Variants in NUP153 observed in about 807,000 individuals in gnomAD.
NUP153 encodes the protein nucleoporin 153.
Under a neutral mutation model 134.6 loss-of-function variants are expected in NUP153, and 27 were observed. The ratio of observed to expected loss-of-function variants is 0.20; its 90% CI spans 0.15 to 0.28. The LOEUF is 0.28. NUP153 is among the 10% of genes least tolerant of loss of function. The pLI is 1.00. For synonymous variants in NUP153, 640 were observed against 623.5 expected (o/e 1.03, Z -0.40); for missense variants, 1,821 against 1,731.3 (o/e 1.05, Z -0.92).
At chr6:17,627,735 T>A (rs1351494559) in intron 18 of NUP153, among the ~76,000 whole-genome samples, 1 of 152,230 alleles carries the variant, frequency 6.6e-6, no homozygotes, top group Non-Finnish European at 1.5e-5. Flanking sequence ...AAGGGCACTG[T>A]TGTTTTTAGC....
rs1768182327 is a variant in NUP153 at position 17,675,660 on chromosome 6, G to C, written c.445C>G (p.Gln149Glu). Reference protein sequence around the residue: ...SMLESPALHCQPSTSSAFPIG... With the variant: ...SMLESPALHCEPSTSSAFPIG... The stretch of plus-strand genomic sequence containing the variant: ...GGGAATGCCGAGGATGTAGATGGCT[G>C]ACAGTGTAATGCAGGGGATTCCAAC... The change falls in exon 3 of 22, where the codon CAG becomes GAG. Residue 149 changes from glutamine to glutamate, a missense_variant. Gln to Glu is a conservative substitution (Grantham distance 29, BLOSUM62 2). Coordinates refer to ENST00000262077, the MANE Select transcript of NUP153 (RefSeq NM_005124.4). This position sits in a 1 kb window ranked among gnomAD's most constrained non-coding sequence, Gnocchi z 4.4. 6.2e-7 allele frequency: 1 copy of C among 1,614,062 alleles called. No individual in the cohort carries two copies. Among genetic ancestry groups the C allele is most frequent in the Admixed American group, 1.7e-5 (1 of 60,006 alleles).
rs1339199149 is a variant in NUP153 at position 17,680,690 on chromosome 6, A to G, written c.335-4920T>C. 6.6e-6 allele frequency among the ~76,000 whole-genome samples: 1 copy of G among 152,238 alleles called. No individual in the cohort carries two copies. The highest frequency in any genetic ancestry group is 1.9e-4 in the East Asian group (1 of 5,200). On this transcript the variant is annotated intron_variant, in intron 2 of 21. Coordinates refer to ENST00000262077, the MANE Select transcript of NUP153 (RefSeq NM_005124.4). The surrounding 1 kb of genome is among the most constrained non-coding windows in gnomAD (Gnocchi z 4.5). ...ATGGGAGAAAATATCCACAAATTATATATGTGATAAGGGATTAATATCCAG... is the reference window on the plus strand; with the variant it reads ...ATGGGAGAAAATATCCACAAATTATGTATGTGATAAGGGATTAATATCCAG...
intron 16 of NUP153, among the ~76,000 whole-genome samples, chr6:17,634,785 T>C (rs991847226): frequency 6.6e-6 from 1 of 152,126 alleles, no homozygotes; most frequent in Non-Finnish European, 1.5e-5. Context: ...AATCAACGTC[T>C]TTAATTTTAT....
chr6:17,669,719 C>T (rs1463822663), intron 5 of NUP153, among the ~76,000 whole-genome samples, 173 bp from the exon 6 acceptor site: 1 of 152,084 alleles, frequency 6.6e-6, no homozygotes, highest in Non-Finnish European at 1.5e-5. Flanking sequence ...TTTCTTTATG[C>T]CTTTACTGGA....
chr6:17,704,101 G>A (rs1417621379), intron 1 of NUP153, among the ~76,000 whole-genome samples: 1 of 152,156 alleles, frequency 6.6e-6, no homozygotes, highest in African/African-American at 2.4e-5. Flanking sequence ...GATCGTCCTG[G>A]CTAACATGGT....
intron 1 of NUP153, among the ~76,000 whole-genome samples, chr6:17,690,914 T>C (rs1458595205): frequency 1.3e-5 from 2 of 151,864 alleles, no homozygotes; most frequent in African/African-American, 4.8e-5. Context: ...CCGAGGTGGG[T>C]GGATCATGAG....
At chr6:17,699,312 T>C (rs1221097012) in intron 1 of NUP153, among the ~76,000 whole-genome samples, 7 of 149,786 alleles carry the variant, frequency 4.7e-5, no homozygotes, top group South Asian at 4.2e-4. Flanking sequence ...CTGGCCAACA[T>C]GGTGAAACCC....
rs2113817796 is a variant in NUP153, at chr6:17,662,943, G to C, written c.1216-873C>G. 1.3e-5 allele frequency among the ~76,000 whole-genome samples: 2 copies of C among 152,062 alleles called. 1 individual carries two copies. Among genetic ancestry groups the C allele is most frequent in the East Asian group, 3.9e-4 (2 of 5,180 alleles). On this transcript the variant is annotated intron_variant, in intron 9 of 21. Coordinates refer to ENST00000262077, the MANE Select transcript of NUP153 (RefSeq NM_005124.4). ...AAACAACAAGAACAAAAAACAAAAG[G>C]AACTGTTCTAGACTAAAGGAGATGA...
chr6:17,631,756 G>A (rs987047609), intron 17 of NUP153, among the ~76,000 whole-genome samples: 1 of 152,058 alleles, frequency 6.6e-6, no homozygotes, highest in East Asian at 1.9e-4. Context: ...CACGAAGTCA[G>A]GAGATTGAGA....
chr6:17,616,154 A>AG lies in NUP153; in HGVS notation c.4370dup (p.Ser1458PhefsTer15). The stretch of plus-strand genomic sequence containing the variant: ...TGCGACCAGAGAATGAAGTTCCAGA[A>AG]GAAGAGAACACATTTTTCCCATTTG... On this transcript the variant is annotated frameshift_variant, in exon 22 of 22. Coordinates refer to ENST00000262077, the MANE Select transcript of NUP153 (RefSeq NM_005124.4). LOFTEE classifies it high-confidence loss of function. 6.2e-7 allele frequency: 1 copy of AG among 1,613,880 alleles called. No homozygotes were observed. Among genetic ancestry groups the AG allele is most frequent in the Non-Finnish European group, 8.5e-7 (1 of 1,179,850 alleles).
chr6:17,671,490 A>G (rs953982292), intron 5 of NUP153, among the ~76,000 whole-genome samples: 3 of 152,220 alleles, frequency 2.0e-5, no homozygotes, highest in Non-Finnish European at 4.4e-5. Flanking sequence ...TGAAAAGATA[A>G]AAGTTATTCA....
intron 2 of NUP153, among the ~76,000 whole-genome samples, chr6:17,676,325 T>C (rs554574758): frequency 6.6e-6 from 1 of 152,262 alleles, no homozygotes; most frequent in East Asian, 1.9e-4. Flanking sequence ...GAAGCCACTG[T>C]TACCACATAC....
chr6:17,647,903 T>A lies in NUP153; in HGVS notation c.1536A>T (p.Val512=), dbSNP rs73722997. Reference sequence around the variant, plus strand: ...CAGTGCTGCTCGGAGAGGTCATTTGTACCTGGTTTTCCAAATTATTAAGAA... The same window carrying A: ...CAGTGCTGCTCGGAGAGGTCATTTGAACCTGGTTTTCCAAATTATTAAGAA... The part of the protein sequence containing the change: ...INSSQALTNK[V]QMTSPSSTGS... The change falls in exon 13 of 22, where the codon GTA becomes GTT. Residue 512 remains valine (V), a splice_region_variant and synonymous_variant. Coordinates refer to ENST00000262077, the MANE Select transcript of NUP153 (RefSeq NM_005124.4). 81 of 1,596,176 alleles carry A rather than the reference T, an allele frequency of 5.1e-5. 1 individual carries two copies. In the African/African-American group the frequency reaches 9.4e-4, roughly 19 times the overall value.
At chr6:17,673,721 A>C (rs1291094971) in intron 5 of NUP153, among the ~76,000 whole-genome samples, 1 of 152,210 alleles carries the variant, frequency 6.6e-6, no homozygotes, top group African/African-American at 2.4e-5. Flanking sequence ...CCAAGTGCTG[A>C]CAAGGATGAA....
intron 13 of NUP153, among the ~76,000 whole-genome samples, chr6:17,646,903 C>A (rs1336606571): frequency 6.8e-6 from 1 of 146,468 alleles, no homozygotes; most frequent in East Asian, 2.0e-4. Context: ...CCATGCCTGG[C>A]TAATTCTGTA....
rs765745419 is a variant in NUP153 at position 17,646,079 on chromosome 6, T to C, written c.1708A>G (p.Ile570Val). ...SGSSSTLEPIISSSAHHVTTV... is the reference protein window; with the variant it reads ...SGSSSTLEPIVSSSAHHVTTV... ...AATTTTTACTTACCTGAACTACTTA[T>C]AATTGGTTCTAAAGTACTACTAGAA... The change falls in exon 14 of 22, where the codon ATA becomes GTA. Residue 570 changes from isoleucine to valine, a missense_variant. Ile to Val is a conservative substitution (Grantham distance 29). Coordinates refer to ENST00000262077, the MANE Select transcript of NUP153 (RefSeq NM_005124.4). 7.1e-6 allele frequency: 11 copies of C among 1,554,240 alleles called. No individual in the cohort carries two copies. The highest frequency in any genetic ancestry group is 5.6e-5 in the South Asian group (5 of 89,104).
chr6:17,694,157 G>A (rs570195709), intron 1 of NUP153, among the ~76,000 whole-genome samples: 1 of 152,104 alleles, frequency 6.6e-6, no homozygotes, highest in Admixed American at 6.6e-5. Flanking sequence ...TAAGCTCCAA[G>A]AAGGCAGGAA....
At chr6:17,618,216 C>A (rs1411423838) in intron 20 of NUP153, among the ~76,000 whole-genome samples, 2 of 152,150 alleles carry the variant, frequency 1.3e-5, no homozygotes, top group Admixed American at 6.5e-5. Context: ...GATAAATCTA[C>A]AATGAAATTC....
At chr6:17,696,526 C>A (rs977256968) in intron 1 of NUP153, among the ~76,000 whole-genome samples, 1 of 152,038 alleles carries the variant, frequency 6.6e-6, no homozygotes, top group Non-Finnish European at 1.5e-5. Context: ...GAGGCCGAGG[C>A]GGGTGGATCA....
Sources: allele counts gnomAD v4.1 joint callset (sites outside exome capture counted in the v4.1 genomes callset), GRCh38; gene constraint gnomAD v4.1.1; non-coding constraint Gnocchi (gnomAD v3.1); transcripts MANE v1.5; gene names NCBI Gene and HGNC (gene_info 2026-07-23, HGNC 2026-07-21).